EAF2: variants seen among roughly 807,000 people sequenced by gnomAD.
EAF2 encodes the protein ELL-associated factor 2.
In EAF2, 29 loss-of-function variants were observed where a neutral mutation model predicts 29.4. The ratio of observed to expected loss-of-function variants is 0.99; its 90% CI spans 0.73 to 1.35. EAF2 has a LOEUF of 1.35. Ranked by LOEUF, EAF2 falls within the 40% of genes most tolerant of loss-of-function variation. The probability of loss-of-function intolerance (pLI) is 0.00; values close to 1 mark genes in which losing one functional copy is unlikely to be tolerated. For synonymous variants in EAF2, 103 were observed against 102.5 expected, an observed-to-expected ratio of 1.00 and a Z score of -0.03; for missense variants, 292 against 312.0, an observed-to-expected ratio of 0.94 and a Z score of 0.48.
chr3:121,840,493 AAAAAAAAAAAAAAAAG>A lies in EAF2; in HGVS notation c.107-3947_107-3932del, dbSNP rs1370608675. On this transcript the variant is annotated intron_variant, in intron 1 of 5. Transcript: ENST00000273668. ...TGACAGAGGGAGACTTCGTCTAAAA[AAAAAAAAAAAAAAAAG>A]AAAAAAAAAAAACGGGCCGGGTGCG... 8.6e-4 allele frequency among the ~76,000 whole-genome samples: 84 copies of A among 97,572 alleles called. 2 individuals are homozygous for A. The highest frequency in any genetic ancestry group is 1.7e-3 in the African/African-American group (39 of 22,762). The allele number at this position is 97,572 out of a possible 152,430, so 64.0% of individuals were successfully genotyped here. A position where few individuals can be genotyped will look rare whatever the true frequency, so the allele number is the denominator to read the frequency against.
intron 5 of EAF2, among the ~76,000 whole-genome samples, chr3:121,881,670 C>T (rs182142077): frequency 4.5e-4 from 68 of 151,900 alleles, no homozygotes; most frequent in Middle Eastern, 3.4e-3. Flanking sequence ...CTGCCACACC[C>T]GGCTAATTTT....
intron 4 of EAF2, among the ~76,000 whole-genome samples, chr3:121,867,188 T>C (rs941258473): frequency 6.6e-6 from 1 of 152,186 alleles, no homozygotes. Flanking sequence ...ATTTGTGTCA[T>C]TGGAGTCTCA....
In EAF2 at chr3:121,854,801, A is replaced by G; in HGVS notation, c.316A>G (p.Asn106Asp). The change falls in exon 3 of 6, where the codon AAC (asparagine) becomes GAC (aspartate). Residue 106 changes from asparagine (N) to aspartate (D), a missense_variant. Asn to Asp is a conservative substitution (Grantham distance 23). Transcript: ENST00000273668. ...ATGTCGGCTAGAAAAACTCAGCAGC[A>G]ACATCACTGTAAAAAAAACAAGGTA... Reference protein sequence around the residue: ...GECRLEKLSSNITVKKTRVEG... With the variant: ...GECRLEKLSSDITVKKTRVEG... The G allele has an allele frequency of 1.3e-6, 2 of 1,569,750 alleles. No homozygotes were observed. The highest frequency in any genetic ancestry group is 1.4e-5 in the African/African-American group (1 of 72,070).
At chr3:121,859,482 G>C (rs1708786459) in intron 4 of EAF2, among the ~76,000 whole-genome samples, 1 of 151,980 alleles carries the variant, frequency 6.6e-6, no homozygotes, top group Non-Finnish European at 1.5e-5. Context: ...GTTTGTTATT[G>C]GTGTATAGGA....
intron 1 of EAF2, among the ~76,000 whole-genome samples, chr3:121,839,910 T>G (rs960225607): frequency 6.6e-6 from 1 of 152,096 alleles, no homozygotes; most frequent in Non-Finnish European, 1.5e-5. Context: ...AGGTAAATAA[T>G]AGGTCGGGCA....
At chr3:121,878,577 T>C (rs1404123426) in intron 5 of EAF2, among the ~76,000 whole-genome samples, 7 of 152,284 alleles carry the variant, frequency 4.6e-5, no homozygotes, top group Non-Finnish European at 5.9e-5. Flanking sequence ...TCCGAGCCTC[T>C]GGTAACCATC....
At chr3:121,854,605 A>G (rs370021212) in intron 2 of EAF2, 82 bp from the exon 3 acceptor site, 1 of 1,194,344 alleles carries the variant, frequency 8.4e-7, no homozygotes. Flanking sequence ...AGAAGGAGAA[A>G]CCCAGAATCA....
chr3:121,877,351 T>C (rs1709117899), intron 5 of EAF2, among the ~76,000 whole-genome samples: 2 of 152,032 alleles, frequency 1.3e-5, no homozygotes, highest in East Asian at 1.9e-4. Context: ...AAATACATAA[T>C]AGACATACCT....
chr3:121,873,231 A>C, intron 5 of EAF2: 10 of 510,202 alleles, frequency 2.0e-5, no homozygotes, highest in East Asian at 6.3e-5. Flanking sequence ...CCATCATCTC[A>C]TCACCTTCAA....
intron 5 of EAF2, among the ~76,000 whole-genome samples, chr3:121,877,770 AT>A (rs1455285672): frequency 6.6e-6 from 1 of 152,032 alleles, no homozygotes; most frequent in Non-Finnish European, 1.5e-5. Flanking sequence ...TAATTAATTA[AT>A]TGATTAACTT....
At chr3:121,837,462 C>A (rs1708324624) in intron 1 of EAF2, 1 of 152,134 alleles carries the variant, frequency 6.6e-6, no homozygotes, top group African/African-American at 2.4e-5. Flanking sequence ...TTCAGGCAAA[C>A]CCGGATGTGA....
intron 4 of EAF2, among the ~76,000 whole-genome samples, chr3:121,860,166 A>G (rs1383706702): frequency 3.9e-5 from 6 of 152,218 alleles, no homozygotes; most frequent in African/African-American, 1.4e-4. Flanking sequence ...CTTTCATATC[A>G]GGATGATGCT....
intron 1 of EAF2, 133 bp from the exon 2 acceptor site, chr3:121,844,320 T>A (rs1708484238): frequency 3.6e-6 from 2 of 562,822 alleles, no homozygotes; most frequent in East Asian, 6.9e-5. Flanking sequence ...TGTTCATTTG[T>A]AATATGAATA....
intron 1 of EAF2, among the ~76,000 whole-genome samples, chr3:121,842,875 A>G (rs1486805747): frequency 1.3e-5 from 2 of 152,212 alleles, no homozygotes; most frequent in Non-Finnish European, 2.9e-5. Context: ...GCCACTGCTA[A>G]CAAACTCCTC....
At chr3:121,880,265 C>T (rs1709170664) in intron 5 of EAF2, among the ~76,000 whole-genome samples, 1 of 151,792 alleles carries the variant, frequency 6.6e-6, no homozygotes. Flanking sequence ...TCCCCAGGCT[C>T]CCAAGTTGCT....
At chr3:121,859,442 G>A (rs1708785423) in intron 4 of EAF2, among the ~76,000 whole-genome samples, 1 of 152,016 alleles carries the variant, frequency 6.6e-6, no homozygotes, top group Non-Finnish European at 1.5e-5. Flanking sequence ...ATTGTGAATG[G>A]GAGTTCACTC....
At chr3:121,846,750 T>C (rs1035564391) in intron 2 of EAF2, among the ~76,000 whole-genome samples, 2 of 152,120 alleles carry the variant, frequency 1.3e-5, no homozygotes, top group African/African-American at 4.8e-5. Context: ...AATATTGTTT[T>C]CTCAAGTTGC....
intron 5 of EAF2, among the ~76,000 whole-genome samples, chr3:121,877,105 G>T (rs908085228): frequency 6.6e-6 from 1 of 151,906 alleles, no homozygotes; most frequent in Non-Finnish European, 1.5e-5. Flanking sequence ...TGTACTCCTA[G>T]AGATAAAGGG....
chr3:121,860,205 C>T (rs1708801305), intron 4 of EAF2, among the ~76,000 whole-genome samples: 1 of 152,186 alleles, frequency 6.6e-6, no homozygotes. Context: ...AGGCAGGATT[C>T]CCTCTTTTTC....
Sources: allele counts gnomAD v4.1 joint callset (sites outside exome capture counted in the v4.1 genomes callset), GRCh38; gene constraint gnomAD v4.1.1; transcripts MANE v1.5; gene names NCBI Gene and HGNC (gene_info 2026-07-23, HGNC 2026-07-21).